The following AGO3 variants were observed in gnomAD, a reference collection of about 807,000 sequenced individuals.
The protein encoded by AGO3 is argonaute RISC catalytic component 3.
AGO3 carries 16 observed loss-of-function variants against 105.5 expected under a neutral mutation model. The ratio of observed to expected loss-of-function variants is 0.15; its 90% CI spans 0.10 to 0.23. The LOEUF is 0.23. Among genes scored for constraint, AGO3 ranks in the 10% least tolerant of loss-of-function variants. The pLI, the probability that AGO3 is intolerant of heterozygous loss-of-function variation, is 1.00. For synonymous variants in AGO3, 340 were observed against 367.3 expected (o/e 0.93, Z 0.85); for missense variants, 534 against 1,088.0 (o/e 0.49, Z 7.16).
intron 5 of AGO3, among the ~76,000 whole-genome samples, chr1:35,986,004 C>T (rs977636350): frequency 1.3e-5 from 2 of 152,158 alleles, no homozygotes; most frequent in Non-Finnish European, 2.9e-5. Flanking sequence ...TTCTACGCAT[C>T]AGATTTGTAA....
chr1:36,003,709 A>AAAAAAAAAAATATAT (rs1295618675), intron 5 of AGO3, among the ~76,000 whole-genome samples: 18 of 99,428 alleles, frequency 1.8e-4, no homozygotes, highest in African/African-American at 2.4e-4. Flanking sequence ...AAAAAAAAAA[A>AAAAAAAAAAATATAT]ATATATATAT....
intron 1 of AGO3, among the ~76,000 whole-genome samples, chr1:35,932,492 T>A (rs532274913): frequency 6.6e-6 from 1 of 151,986 alleles, no homozygotes; most frequent in Non-Finnish European, 1.5e-5. Context: ...TTGAATAGAT[T>A]ACGTGTCAAA....
chr1:35,978,855 G>C (rs1341515025), intron 5 of AGO3, among the ~76,000 whole-genome samples: 1 of 152,058 alleles, frequency 6.6e-6, no homozygotes, highest in African/African-American at 2.4e-5. Flanking sequence ...GGTGATCACT[G>C]TTTTAGCCGT....
At position 35,972,204 on chromosome 1, in the gene AGO3, G is replaced by A. The variant is rs1475526651; in HGVS notation, c.493G>A (p.Val165Met). The A allele has an allele frequency of 2.5e-6, 4 of 1,613,874 alleles. No homozygotes were observed. Among genetic ancestry groups the A allele is most frequent in the Admixed American group, 1.7e-5 (1 of 59,972 alleles). Residue 165 changes from valine to methionine, a missense_variant, in exon 4 of 19, where the codon GTG (valine) becomes ATG (methionine). This residue lies in a region of AGO3 where 161 missense variants were observed against 234.0 expected (regional missense o/e 0.69). Transcript: ENST00000373191. Reference protein sequence around the residue: ...ISTNPVHAVDVVLRHLPSMKY... With the variant: ...ISTNPVHAVDMVLRHLPSMKY... ...CACTAACCCTGTCCATGCCGTTGAT[G>A]TGGTGCTACGACATCTGCCCTCCAT...
At chr1:35,934,682 G>T (rs190765207) in intron 1 of AGO3, among the ~76,000 whole-genome samples, 1 of 151,950 alleles carries the variant, frequency 6.6e-6, no homozygotes, top group Non-Finnish European at 1.5e-5. Flanking sequence ...AGTCTTGCTT[G>T]CTCTGTCGCC....
intron 5 of AGO3, among the ~76,000 whole-genome samples, chr1:35,982,338 C>T (rs891817043): frequency 3.9e-5 from 6 of 152,108 alleles, no homozygotes; most frequent in Non-Finnish European, 7.4e-5. Flanking sequence ...AACTGAAGGA[C>T]AATGAATACA....
At chr1:35,934,533 C>T (rs1646113066) in intron 1 of AGO3, among the ~76,000 whole-genome samples, 1 of 152,094 alleles carries the variant, frequency 6.6e-6, no homozygotes, top group Non-Finnish European at 1.5e-5. Flanking sequence ...GAAGCTAGAA[C>T]TAAATCAAGA....
Position 35,973,571 on chromosome 1 carries a change from A to G in AGO3, c.658+60A>G, listed in dbSNP as rs180994138. Reference sequence around the variant, plus strand: ...GTGGATTTCTGTATGATGTGTGTACATAAATTTTATATATAATTATACATA... The same window carrying G: ...GTGGATTTCTGTATGATGTGTGTACGTAAATTTTATATATAATTATACATA... On this transcript the variant is annotated intron_variant, in intron 5 of 18. Coordinates refer to ENST00000373191, the MANE Select transcript of AGO3 (RefSeq NM_024852.4). The G allele has an allele frequency of 4.0e-3, 5,347 of 1,353,562 alleles. 16 individuals carry two copies. The highest frequency in any genetic ancestry group is 4.4e-3 in the Non-Finnish European group (4,519 of 1,036,384). The allele number at this position is 1,353,562 out of a possible 1,614,324, so 83.8% of individuals were successfully genotyped here.
At chr1:35,938,773 G>A (rs1016315154) in intron 1 of AGO3, among the ~76,000 whole-genome samples, 27 of 152,106 alleles carry the variant, frequency 1.8e-4, no homozygotes, top group African/African-American at 6.5e-4. Flanking sequence ...TAAAGAAAAT[G>A]TTTCCAGTGA....
intron 2 of AGO3, among the ~76,000 whole-genome samples, chr1:35,947,364 A>G (rs1646385896): frequency 6.6e-6 from 1 of 152,102 alleles, no homozygotes. Context: ...TGACACCCAA[A>G]TGTTCCTAAA....
At chr1:35,940,850 C>T (rs1253897330) in intron 1 of AGO3, among the ~76,000 whole-genome samples, 1 of 152,120 alleles carries the variant, frequency 6.6e-6, no homozygotes, top group Non-Finnish European at 1.5e-5. Flanking sequence ...TTTTCCAGTT[C>T]CTTTGCTGTT....
At chr1:36,004,147 C>A in intron 5 of AGO3, 194 bp from the exon 6 acceptor site, 1 of 459,908 alleles carries the variant, frequency 2.2e-6, no homozygotes, top group African/African-American at 2.0e-5. Flanking sequence ...ATTATAAAAA[C>A]TGTAGTATTT....
At chr1:36,040,236 A>G (rs1300876082) in intron 15 of AGO3, 71 bp from the exon 16 acceptor site, 1 of 1,483,668 alleles carries the variant, frequency 6.7e-7, no homozygotes, top group Non-Finnish European at 9.2e-7. Context: ...AGATTAAATC[A>G]TTATCCTACT....
chr1:36,038,433 T>C (rs1450838843), intron 14 of AGO3, among the ~76,000 whole-genome samples: 6 of 152,026 alleles, frequency 3.9e-5, no homozygotes, highest in Non-Finnish European at 8.8e-5. Flanking sequence ...TTTTTTGTAT[T>C]TTTAGTAGAG....
chr1:35,990,801 T>C (rs796134115), intron 5 of AGO3, among the ~76,000 whole-genome samples: 16 of 152,316 alleles, frequency 1.1e-4, no homozygotes, highest in African/African-American at 3.8e-4. Context: ...AGGTATAAGA[T>C]TGCTAAGATT....
rs912834073 is a variant in AGO3 at position 36,062,855 on chromosome 1, T to G, written c.*7110T>G. 2 of 152,222 alleles carry G rather than the reference T, an allele frequency of 1.3e-5. No individual in the cohort carries two copies. Among genetic ancestry groups the G allele is most frequent in the African/African-American group, 4.8e-5 (2 of 41,452 alleles). The allele number at this position is 152,222 out of a possible 1,614,324, so 9.4% of individuals were successfully genotyped here. On this transcript the variant is annotated 3_prime_UTR_variant, in exon 19 of 19. Coordinates refer to ENST00000373191, the MANE Select transcript of AGO3 (RefSeq NM_024852.4). ...TATTGTTTGGAGTGTACTGTGTCTG[T>G]TTGCAAATATACATGCACATTAAAC...
Position 35,931,269 on chromosome 1 carries a change from C to T in AGO3, c.-158C>T. On this transcript the variant is annotated 5_prime_UTR_variant, in exon 1 of 19. Coordinates refer to ENST00000373191, the MANE Select transcript of AGO3 (RefSeq NM_024852.4). ...CGTCCGCGACTCTTCCGGCCCAGAG[C>T]TTTCGGAGTGCGGTTGCTCAGGGGA... The T allele has an allele frequency of 1.9e-6, 1 of 530,674 alleles. No homozygotes were observed. Among genetic ancestry groups the T allele is most frequent in the Non-Finnish European group, 3.2e-6 (1 of 315,576 alleles). 32.9% of individuals were successfully genotyped at this position (530,674 alleles called of 1,614,324 possible). A position where few individuals can be genotyped will look rare whatever the true frequency, so the allele number is the denominator to read the frequency against.
At chr1:35,932,990 C>T (rs1297940141) in intron 1 of AGO3, among the ~76,000 whole-genome samples, 2 of 318 alleles carry the variant, frequency 6.3e-3, no homozygotes. Flanking sequence ...TCTTAGAAAA[C>T]ATTTGTTACA....
chr1:35,970,287 G>T (rs1431425156), intron 3 of AGO3, among the ~76,000 whole-genome samples: 1 of 152,084 alleles, frequency 6.6e-6, no homozygotes, highest in Non-Finnish European at 1.5e-5. Context: ...CACTTTGTAT[G>T]GTAAATCTAA....
Sources: allele counts gnomAD v4.1 joint callset (sites outside exome capture counted in the v4.1 genomes callset), GRCh38; gene constraint gnomAD v4.1.1; regional missense constraint gnomAD v4.1.1; transcripts MANE v1.5; gene names NCBI Gene and HGNC (gene_info 2026-07-23, HGNC 2026-07-21).